The following POLRMT variants were observed in gnomAD, a reference collection of about 807,000 sequenced individuals.
POLRMT encodes RNA polymerase mitochondrial, also known as DNA-directed RNA polymerase, mitochondrial.
A neutral mutation model predicts 132.2 loss-of-function variants in POLRMT; 114 were observed. The ratio of observed to expected loss-of-function variants is 0.86; its 90% CI spans 0.74 to 1.01. The LOEUF (loss-of-function observed/expected upper bound fraction) is 1.01. POLRMT is among the 50% of genes least tolerant of loss of function. POLRMT has a pLI of 0.00. For synonymous variants in POLRMT, 1,020 were observed against 773.4 expected, an observed-to-expected ratio of 1.32 and a Z score of -5.29; for missense variants, 2,003 against 1,729.1, an observed-to-expected ratio of 1.16 and a Z score of -2.81.
intron 13 of POLRMT, 50 bp from the exon 14 acceptor site, chr19:619,346 C>T (rs778617813): frequency 7.7e-6 from 12 of 1,565,236 alleles, no homozygotes; most frequent in Middle Eastern, 2.3e-4. Flanking sequence ...GGCCCGTTCA[C>T]GCCCTACTCC....
In POLRMT at chr19:617,314, T is replaced by G. The variant is rs779343047; in HGVS notation, c.3653A>C (p.Asp1218Ala). ...GGTGGAACGCTTCACCTGCTCCAGGTCGAAGGCCCCTGCGGAGGAAGCAGA... is the reference window on the plus strand; with the variant it reads ...GGTGGAACGCTTCACCTGCTCCAGGGCGAAGGCCCCTGCGGAGGAAGCAGA... ...LQAVPKPGAF[D>A]LEQVKRSTYF... The change falls in exon 21 of 21, where the codon GAC becomes GCC. Residue 1218 changes from aspartate to alanine, a missense_variant. By Grantham distance (126) the Asp-to-Ala change is moderately radical. Transcript: ENST00000588649. The G allele has an allele frequency of 3.7e-6, 6 of 1,612,826 alleles. No individual in the cohort carries two copies. The highest frequency in any genetic ancestry group is 3.3e-5 in the Admixed American group (2 of 60,006).
At chr19:618,055 T>G (rs970370436) in intron 17 of POLRMT, 17 of 546,956 alleles carry the variant, frequency 3.1e-5, no homozygotes, top group East Asian at 6.0e-5. Context: ...CCCAGAAGCC[T>G]CCTCGCCCCA....
rs1426674939 is a variant in POLRMT, at chr19:621,723, G to A, written c.1975C>T (p.His659Tyr). The A allele has an allele frequency of 1.3e-6, 2 of 1,597,666 alleles. No homozygotes were observed. The highest frequency in any genetic ancestry group is 1.1e-5 in the South Asian group (1 of 90,678). ...LCPPLPWTSPHSGAFLLSPTK... is the reference protein window; with the variant it reads ...LCPPLPWTSPYSGAFLLSPTK... Reference sequence around the variant, plus strand: ...GGGCTGAGCAGGAAAGCACCAGAGTGCGGCGATGTCCAGGGCAGCGGGGGG... The same window carrying A: ...GGGCTGAGCAGGAAAGCACCAGAGTACGGCGATGTCCAGGGCAGCGGGGGG... Residue 659 changes from histidine (H) to tyrosine (Y), a missense_variant, in exon 10 of 21, where the codon CAC (histidine) becomes TAC (tyrosine). His to Tyr is a moderately conservative substitution (Grantham distance 83). Coordinates refer to ENST00000588649, the MANE Select transcript of POLRMT (RefSeq NM_005035.4).
Position 630,203 on chromosome 19 carries a change from C to A in POLRMT, c.194-35G>T, listed in dbSNP as rs531847641. ...GCAGAAGGCGAGGACATGAGAGGGA[C>A]CCCCTCCCCATTCGAGCACCCGTCT... On this transcript the variant is annotated intron_variant, in intron 2 of 20. Coordinates refer to ENST00000588649, the MANE Select transcript of POLRMT (RefSeq NM_005035.4). 8.5e-5 allele frequency: 131 copies of A among 1,535,862 alleles called. 2 individuals are homozygous for A. In the South Asian group the frequency reaches 1.4e-3, roughly 16 times the overall value.
chr19:619,880 G>C, intron 12 of POLRMT, 78 bp downstream of exon 12: 1 of 1,587,606 alleles, frequency 6.3e-7, no homozygotes. Flanking sequence ...AGGCCAAGGT[G>C]AGGGCACCTG....
chr19:620,538 C>A (rs2144598908), intron 10 of POLRMT, 51 bp from the exon 11 acceptor site: 1 of 1,480,974 alleles, frequency 6.8e-7, no homozygotes, highest in Non-Finnish European at 9.0e-7. Flanking sequence ...GATCCCTGAG[C>A]CCGCTGGGAG....
rs769141420 is a variant in POLRMT at position 617,526 on chromosome 19, G to C, written c.3581+44C>G. 2.5e-6 allele frequency: 4 copies of C among 1,608,450 alleles called. No individual in the cohort carries two copies. In the Admixed American group the frequency reaches 5.0e-5, roughly 20 times the overall value. On this transcript the variant is annotated intron_variant, in intron 19 of 20. Coordinates refer to ENST00000588649, the MANE Select transcript of POLRMT (RefSeq NM_005035.4). ...GGGTGAGGCTGAGGCCAGGTTTTGG[G>C]GTGGGGGGGGAATCCAGGTAGTTGG... is the stretch of plus-strand genomic sequence containing the variant.
Position 629,988 on chromosome 19 carries a change from A to G in POLRMT, c.374T>C (p.Ile125Thr). The G allele has an allele frequency of 1.2e-6, 2 of 1,613,776 alleles. No individual in the cohort carries two copies. Among genetic ancestry groups the G allele is most frequent in the South Asian group, 1.1e-5 (1 of 91,086 alleles). ...TPVPCGRWAK[I>T]LEKDKRTQQM... ...CTGGGTCCGCTTATCCTTCTCCAGT[A>G]TCTTTGCCCAGCGGCCACAGGGCAC... Residue 125 changes from isoleucine (I) to threonine (T), a missense_variant, in exon 3 of 21, where the codon ATA (isoleucine) becomes ACA (threonine). Coordinates refer to ENST00000588649, the MANE Select transcript of POLRMT (RefSeq NM_005035.4).
chr19:631,119 A>G (rs1446051854), intron 2 of POLRMT, among the ~76,000 whole-genome samples: 1 of 151,880 alleles, frequency 6.6e-6, no homozygotes, highest in African/African-American at 2.4e-5. Flanking sequence ...AGATAGCGCC[A>G]TTGAACTCCA....
chr19:620,362 C>A lies in POLRMT; in HGVS notation c.2763+3G>T, dbSNP rs770403897. The stretch of plus-strand genomic sequence containing the variant: ...CCTCGGGGGCCAGACCCAGCTGGCT[C>A]ACCTGATGGACGGGGAGGTGGGAGA... On this transcript the variant is annotated splice_donor_region_variant and intron_variant, in intron 11 of 20. Transcript: ENST00000588649. The A allele has an allele frequency of 1.4e-5, 22 of 1,571,516 alleles. No homozygotes were observed. Among genetic ancestry groups the A allele is most frequent in the Non-Finnish European group, 1.9e-5 (22 of 1,159,204 alleles).
At chr19:629,401 G>T in intron 3 of POLRMT, 139 bp downstream of exon 3, 2 of 968,410 alleles carry the variant, frequency 2.1e-6, no homozygotes, top group Non-Finnish European at 2.8e-6. Context: ...ATTTGTATTT[G>T]AAAAGCCTAA....
In POLRMT at chr19:621,311, A is replaced by G. The variant is rs773334163; in HGVS notation, c.2387T>C (p.Leu796Pro). 17 of 1,599,536 alleles carry G rather than the reference A, an allele frequency of 1.1e-5. No individual in the cohort carries two copies. Among genetic ancestry groups the G allele is most frequent in the East Asian group, 2.2e-5 (1 of 44,622 alleles). Residue 796 changes from leucine (L) to proline (P), a missense_variant, in exon 10 of 21, where the codon CTG becomes CCG. Coordinates refer to ENST00000588649, the MANE Select transcript of POLRMT (RefSeq NM_005035.4). ...GCCGCGGAAGTCCATGTTGTGCGGC[A>G]GCCAGAAGACGCGGTCCCGCAGGTG... ...AQHLRDRVFW[L>P]PHNMDFRGRT...
At chr19:623,681 T>C in intron 5 of POLRMT, 78 bp from the exon 6 acceptor site, 1 of 1,512,238 alleles carries the variant, frequency 6.6e-7, no homozygotes, top group South Asian at 1.2e-5. Context: ...ACAGCATGGG[T>C]GCACGCGTTT....
At chr19:619,936 C>G (rs372435377) in intron 12 of POLRMT, 22 bp downstream of exon 12, 3 of 1,600,088 alleles carry the variant, frequency 1.9e-6, no homozygotes, top group Admixed American at 1.7e-5. Flanking sequence ...GAGATGCCCC[C>G]GGGCAGCAGG....
chr19:618,901 T>C (rs544697447), intron 15 of POLRMT, 96 bp downstream of exon 15: 4 of 1,350,500 alleles, frequency 3.0e-6, no homozygotes, highest in Admixed American at 2.0e-5. Flanking sequence ...GGGGCGGTGG[T>C]ACACTGGGGT....
At chr19:630,382 C>A (rs1000487548) in intron 2 of POLRMT, among the ~76,000 whole-genome samples, 59 of 152,208 alleles carry the variant, frequency 3.9e-4, no homozygotes, top group African/African-American at 1.4e-3. Context: ...CCACCCGAGC[C>A]TCACAGAACT....
rs753698689 is a variant in POLRMT at position 621,271 on chromosome 19, G to C, written c.2427C>G (p.Cys809Trp). Residue 809 changes from cysteine (C) to tryptophan (W), a missense_variant, in exon 10 of 21, where the codon TGC (cysteine) becomes TGG (tryptophan). Physicochemically the swap from Cys to Trp is radical, Grantham distance 215. Coordinates refer to ENST00000588649, the MANE Select transcript of POLRMT (RefSeq NM_005035.4). The part of the protein sequence containing the change: ...NMDFRGRTYP[C>W]PPHFNHLGSD... ...TGCCCAGGTGGTTGAAGTGCGGCGG[G>C]CAGGGGTAGGTGCGGCCGCGGAAGT... 4 of 1,607,356 alleles carry C rather than the reference G, an allele frequency of 2.5e-6. No homozygotes were observed. The highest frequency in any genetic ancestry group is 1.1e-5 in the South Asian group (1 of 90,878).
chr19:617,800 C>T lies in POLRMT; in HGVS notation c.3472G>A (p.Ala1158Thr). 1 of 1,613,396 alleles carries T rather than the reference C, an allele frequency of 6.2e-7. No homozygotes were observed. Among genetic ancestry groups the T allele is most frequent in the Non-Finnish European group, 8.5e-7 (1 of 1,179,926 alleles). ...SVHDCYWTHA[A>T]DVSVMNQVCR... The stretch of plus-strand genomic sequence containing the variant: ...ACCTGGTTCATGACGGAGACATCAG[C>T]TGCGTGAGTCCAGTAACAGTCGTGC... The change falls in exon 18 of 21, where the codon GCT (alanine) becomes ACT (threonine). Residue 1158 changes from alanine (A) to threonine (T), a missense_variant. Transcript: ENST00000588649.
rs1424582192 is a variant in POLRMT at position 622,704 on chromosome 19, G to A, written c.1504C>T (p.Arg502Trp). The A allele has an allele frequency of 4.4e-6, 7 of 1,602,870 alleles. No homozygotes were observed. Among genetic ancestry groups the A allele is most frequent in the Middle Eastern group, 1.9e-4 (1 of 5,180 alleles). ...CTGAAAGTGCGCGCACTCAGCTCCC[G>A]GGCCAGGGTGGTGAAGGACTCACCT... ...AQGESFTTLA[R>W]ELSARTFSRH... The change falls in exon 8 of 21, where the codon CGG becomes TGG. Residue 502 changes from arginine to tryptophan, a missense_variant. By Grantham distance (101) the Arg-to-Trp change is moderately radical (BLOSUM62 -3). Coordinates refer to ENST00000588649, the MANE Select transcript of POLRMT (RefSeq NM_005035.4).
Sources: allele counts gnomAD v4.1 joint callset (sites outside exome capture counted in the v4.1 genomes callset), GRCh38; gene constraint gnomAD v4.1.1; transcripts MANE v1.5; gene names NCBI Gene and HGNC (gene_info 2026-07-23, HGNC 2026-07-21).